MEF2C: variants seen among roughly 807,000 people sequenced by gnomAD.
MEF2C encodes myocyte-specific enhancer factor 2C.
A neutral mutation model predicts 50.5 loss-of-function variants in MEF2C; 6 were observed. That is an observed-to-expected ratio of 0.12 (90% CI 0.07 to 0.23). The LOEUF (loss-of-function observed/expected upper bound fraction) is 0.23. Among genes scored for constraint, MEF2C ranks in the 10% least tolerant of loss-of-function variants. The probability of loss-of-function intolerance (pLI) is 1.00; values close to 1 mark genes in which losing one functional copy is unlikely to be tolerated. For synonymous variants in MEF2C, 183 were observed against 228.0 expected, an observed-to-expected ratio of 0.80 and a Z score of 1.78; for missense variants, 276 against 605.0, an observed-to-expected ratio of 0.46 and a Z score of 5.70.
At chr5:88,888,090 C>T (rs1441566687), upstream of MEF2C, 1 of 152,200 alleles carries the variant, frequency 6.6e-6, no homozygotes, top group Admixed American at 6.5e-5. Context: ...TATGCATTGC[C>T]TAAAGGCCAA....
chr5:88,769,311 G>A lies in MEF2C; in HGVS notation c.259-7983C>T, dbSNP rs537208465. Reference sequence around the variant, plus strand: ...GGGCTTTTACATTGGTCTTATTCTGGGCCAACATTTGCCTGAGGGAATTCA... The same window carrying A: ...GGGCTTTTACATTGGTCTTATTCTGAGCCAACATTTGCCTGAGGGAATTCA... On this transcript the variant is annotated intron_variant, in intron 3 of 10. Transcript: ENST00000504921. Among the ~76,000 whole-genome samples, 8 of 152,098 alleles carry A rather than the reference G, an allele frequency of 5.3e-5. No homozygotes were observed. The South Asian group carries it at 1.5e-3, about 28-fold the overall frequency.
intron 1 of MEF2C, among the ~76,000 whole-genome samples, chr5:88,898,282 A>G (rs1480385076): frequency 6.6e-6 from 1 of 152,144 alleles, no homozygotes; most frequent in Non-Finnish European, 1.5e-5. Flanking sequence ...ATGGAAACCT[A>G]ATTATCTCAA....
intron 2 of MEF2C, among the ~76,000 whole-genome samples, chr5:88,809,514 A>C (rs1801908892): frequency 6.6e-6 from 1 of 152,184 alleles, no homozygotes; most frequent in African/African-American, 2.4e-5. Flanking sequence ...TGGACAAAAA[A>C]AAGTCATTTA....
chr5:88,900,799 A>T lies in MEF2C; in HGVS notation c.-240+3117T>A, dbSNP rs373401539. Among the ~76,000 whole-genome samples the T allele has an allele frequency of 2.0e-5, 3 of 152,102 alleles. No individual in the cohort carries two copies. In the South Asian group the frequency reaches 6.2e-4, roughly 32 times the overall value. ...ATTAGAAAAAAAATCCCTGGATATT[A>T]AGTTGGGAAACAGACCCAAGTCTGT... On this transcript the variant is annotated intron_variant, in intron 1 of 11. Coordinates refer to the MEF2C transcript ENST00000340208.
Position 88,730,190 on chromosome 5 carries a change from G to A in MEF2C, c.834+21C>T, listed in dbSNP as rs773775279. ...AGTAGCTTTGCACATGCCATTTGAG[G>A]GAAGCGCTCTCACCACTTACCAAAA... is the stretch of plus-strand genomic sequence containing the variant. On this transcript the variant is annotated intron_variant, in intron 8 of 10. Coordinates refer to ENST00000504921, the MANE Select transcript of MEF2C (RefSeq NM_002397.5). 5 of 1,578,410 alleles carry A rather than the reference G, an allele frequency of 3.2e-6. No individual in the cohort carries two copies. The Admixed American group carries it at 9.1e-5, about 29-fold the overall frequency.
intron 6 of MEF2C, chr5:88,737,837 C>G (rs1764753145): frequency 1.0e-6 from 1 of 985,210 alleles, no homozygotes; most frequent in African/African-American, 1.7e-5. Context: ...ACACTGTAGG[C>G]TTTATACTAA....
intron 4 of MEF2C, among the ~76,000 whole-genome samples, chr5:88,752,386 G>T (rs1452497093): frequency 6.6e-6 from 1 of 152,178 alleles, no homozygotes; most frequent in Non-Finnish European, 1.5e-5. Context: ...GATCAAAGGT[G>T]CCTGATTGTG....
intron 4 of MEF2C, among the ~76,000 whole-genome samples, chr5:88,756,748 T>C (rs2152571433): frequency 6.6e-6 from 1 of 152,268 alleles, no homozygotes; most frequent in South Asian, 2.1e-4. Context: ...CTCCTTGACT[T>C]TTCAAAATTA....
intron 1 of MEF2C, among the ~76,000 whole-genome samples, chr5:88,868,139 C>A (rs1223787500): frequency 6.6e-6 from 1 of 152,102 alleles, no homozygotes; most frequent in African/African-American, 2.4e-5. Flanking sequence ...AAAAATGGCC[C>A]CACGGTGCAT....
intron 4 of MEF2C, chr5:88,752,855 T>G (rs543887545): frequency 1.5e-6 from 1 of 678,400 alleles, no homozygotes; most frequent in African/African-American, 1.9e-5. Context: ...ACTAACTAGA[T>G]GAACATAGGA....
intron 3 of MEF2C, chr5:88,772,397 G>T (rs1227586596): frequency 6.6e-6 from 1 of 152,230 alleles, no homozygotes; most frequent in African/African-American, 2.4e-5. Flanking sequence ...TTGACAGCCA[G>T]GCTTAAGAGA....
intron 2 of MEF2C, among the ~76,000 whole-genome samples, chr5:88,823,196 C>T (rs1809258446): frequency 6.6e-6 from 1 of 151,850 alleles, no homozygotes; most frequent in Admixed American, 6.6e-5. Flanking sequence ...TAGTCCTTGC[C>T]TATATGTTTT....
chr5:88,741,543 T>C, intron 6 of MEF2C: 1 of 985,426 alleles, frequency 1.0e-6, no homozygotes, highest in Non-Finnish European at 1.2e-6. Context: ...TTCACTGAGT[T>C]GCTTAATATT....
chr5:88,831,984 C>T (rs1363169832), intron 1 of MEF2C, among the ~76,000 whole-genome samples: 2 of 152,094 alleles, frequency 1.3e-5, no homozygotes, highest in African/African-American at 4.8e-5. Flanking sequence ...GTGCCAAGTT[C>T]TCTGTTTCAT....
chr5:88,768,196 C>A (rs1159318097), intron 3 of MEF2C, among the ~76,000 whole-genome samples: 1 of 152,110 alleles, frequency 6.6e-6, no homozygotes, highest in Non-Finnish European at 1.5e-5. Flanking sequence ...GTGCTTTTTC[C>A]CCTCTGCTAG....
chr5:88,787,873 T>C (rs371644350), intron 3 of MEF2C, among the ~76,000 whole-genome samples: 1 of 152,212 alleles, frequency 6.6e-6, no homozygotes, highest in Admixed American at 6.5e-5. Flanking sequence ...TCCTGTGCCT[T>C]TTCCATTTTC....
chr5:88,741,694 T>G (rs1453421229), intron 6 of MEF2C: 1 of 980,564 alleles, frequency 1.0e-6, no homozygotes, highest in Non-Finnish European at 1.2e-6. Flanking sequence ...GGCTTTTTCC[T>G]CCTTATACTT....
intron 3 of MEF2C, among the ~76,000 whole-genome samples, chr5:88,773,749 C>A (rs951456282): frequency 6.6e-6 from 1 of 152,154 alleles, no homozygotes; most frequent in East Asian, 1.9e-4. Flanking sequence ...TCCAAATGTT[C>A]CCCCTTGAAA....
chr5:88,787,837 ATT>A (rs1186937144), intron 3 of MEF2C, among the ~76,000 whole-genome samples: 1 of 152,132 alleles, frequency 6.6e-6, no homozygotes, highest in African/African-American at 2.4e-5. Context: ...GACCTAGCTT[ATT>A]TCTACGTTCT....
Sources: allele counts gnomAD v4.1 joint callset (sites outside exome capture counted in the v4.1 genomes callset), GRCh38; gene constraint gnomAD v4.1.1; transcripts MANE v1.5; gene names NCBI Gene and HGNC (gene_info 2026-07-23, HGNC 2026-07-21).